Variants in KDM4C observed in about 807,000 individuals in gnomAD.
KDM4C encodes the protein lysine-specific demethylase 4C.
In KDM4C, 81 loss-of-function variants were observed where a neutral mutation model predicts 129.3. The observed-to-expected ratio is 0.63, with a 90% CI of 0.52 to 0.75. KDM4C has a LOEUF of 0.75. Among genes scored for constraint, KDM4C ranks in the 30% least tolerant of loss-of-function variants. The pLI is 0.00. For missense variants in KDM4C, 1,457 were observed against 1,304.0 expected, an observed-to-expected ratio of 1.12 and a Z score of -1.81; for synonymous variants, 573 against 456.1, an observed-to-expected ratio of 1.26 and a Z score of -3.26.
At chr9:6,773,920 T>G (rs1202197824) in intron 1 of KDM4C, among the ~76,000 whole-genome samples, 1 of 151,928 alleles carries the variant, frequency 6.6e-6, no homozygotes, top group Non-Finnish European at 1.5e-5. Context: ...TTTTATTTAT[T>G]TTTATTATTT....
chr9:6,927,510 A>G lies in KDM4C; in HGVS notation c.921+34278A>G, dbSNP rs577594877. On this transcript the variant is annotated intron_variant, in intron 8 of 21. Coordinates refer to ENST00000381309, the MANE Select transcript of KDM4C (RefSeq NM_015061.6). ...CTTCTGATCATGTTGACCTGTGGTG[A>G]TAATGGAATTGATAATAAGTGATGT... 1.7e-3 allele frequency among the ~76,000 whole-genome samples: 261 copies of G among 152,260 alleles called. 4 individuals carry two copies. Among genetic ancestry groups the G allele is most frequent in the African/African-American group, 5.4e-3 (226 of 41,562 alleles).
intron 8 of KDM4C, among the ~76,000 whole-genome samples, chr9:6,936,638 C>G (rs1254093913): frequency 1.3e-5 from 2 of 152,174 alleles, no homozygotes; most frequent in African/African-American, 4.8e-5. Context: ...GAGAATGAGC[C>G]TTCCCATGGC....
intron 8 of KDM4C, among the ~76,000 whole-genome samples, chr9:6,904,060 A>G (rs956866561): frequency 6.6e-6 from 1 of 152,092 alleles, no homozygotes; most frequent in Non-Finnish European, 1.5e-5. Context: ...GCTGACATGG[A>G]GAAACCTCAT....
chr9:6,746,862 C>T (rs1016423776), intron 1 of KDM4C, among the ~76,000 whole-genome samples: 4 of 150,396 alleles, frequency 2.7e-5, no homozygotes, highest in African/African-American at 7.3e-5. Context: ...AAAAATTAGC[C>T]GGGCGTGGTG....
rs567626578 is a variant in KDM4C, at chr9:7,128,134, G to C, written c.2679G>C (p.Arg893=). The C allele has an allele frequency of 1.9e-6, 3 of 1,613,044 alleles. No individual in the cohort carries two copies. The South Asian group carries it at 3.3e-5, about 18-fold the overall frequency. ...QTVITKHRNT[R]YYSCRVMAVT... The stretch of plus-strand genomic sequence containing the variant: ...TCATCACGAAGCATCGGAACACCCG[G>C]TATTACAGTTGCAGAGTGATGGCTG... Residue 893 remains arginine (R), a synonymous_variant, in exon 19 of 22, where the codon CGG becomes CGC. Coordinates refer to ENST00000381309, the MANE Select transcript of KDM4C (RefSeq NM_015061.6).
chr9:7,133,001 G>C (rs1303667748), intron 19 of KDM4C, among the ~76,000 whole-genome samples: 1 of 152,204 alleles, frequency 6.6e-6, no homozygotes, highest in Non-Finnish European at 1.5e-5. Flanking sequence ...TCAAGATTCT[G>C]GGGGTGAGTA....
chr9:6,852,194 T>C (rs1028909198), intron 5 of KDM4C, among the ~76,000 whole-genome samples: 1 of 152,216 alleles, frequency 6.6e-6, no homozygotes, highest in Non-Finnish European at 1.5e-5. Flanking sequence ...TTGTCATTAT[T>C]AAAATTCATT....
At chr9:6,884,553 T>C (rs888952770) in intron 6 of KDM4C, among the ~76,000 whole-genome samples, 4 of 152,248 alleles carry the variant, frequency 2.6e-5, no homozygotes, top group Non-Finnish European at 5.9e-5. Context: ...CAAAGCATAC[T>C]TGGGCAAATT....
intron 3 of KDM4C, 68 bp downstream of exon 3, chr9:6,805,842 TAGA>T (rs1829872084): frequency 7.2e-7 from 1 of 1,388,444 alleles, no homozygotes; most frequent in African/African-American, 1.4e-5. Context: ...AGAAACAAAG[TAGA>T]CAGAGGAGCT....
In KDM4C at chr9:7,006,827, G is replaced by A. The variant is rs188103992; in HGVS notation, c.1787-4871G>A. Among the ~76,000 whole-genome samples, 26 of 152,266 alleles carry A rather than the reference G, an allele frequency of 1.7e-4. 1 individual carries two copies. The highest frequency in any genetic ancestry group is 7.8e-4 in the Admixed American group (12 of 15,292). ...GTGATGATTGGTTTCCTGGGTCTAA[G>A]TGAGAATGAATACTTTTAATACTAC... On this transcript the variant is annotated intron_variant, in intron 12 of 21. Coordinates refer to ENST00000381309, the MANE Select transcript of KDM4C (RefSeq NM_015061.6).
intron 8 of KDM4C, among the ~76,000 whole-genome samples, chr9:6,911,620 G>C (rs547883250): frequency 1.0e-3 from 153 of 152,304 alleles, no homozygotes; most frequent in African/African-American, 3.6e-3. Context: ...GTTAGCACTT[G>C]TATAAAATGT....
intron 15 of KDM4C, among the ~76,000 whole-genome samples, chr9:7,045,844 G>T (rs1829313806): frequency 6.6e-6 from 1 of 151,966 alleles, no homozygotes; most frequent in African/African-American, 2.4e-5. Flanking sequence ...GTTTTCCTCA[G>T]AAAAGTAAAA....
At chr9:6,854,490 A>T (rs1039479332) in intron 5 of KDM4C, among the ~76,000 whole-genome samples, 1 of 138,992 alleles carries the variant, frequency 7.2e-6, no homozygotes, top group African/African-American at 2.7e-5. Flanking sequence ...GCGCCATTGC[A>T]CTCCAGCCTG....
intron 17 of KDM4C, among the ~76,000 whole-genome samples, chr9:7,096,519 C>T (rs1008558330): frequency 3.3e-5 from 5 of 152,130 alleles, no homozygotes; most frequent in African/African-American, 1.2e-4. Context: ...TATTCCTGTG[C>T]CAAGCTAGAA....
intron 18 of KDM4C, among the ~76,000 whole-genome samples, chr9:7,107,593 A>G (rs1459504378): frequency 6.6e-6 from 1 of 152,238 alleles, no homozygotes; most frequent in Non-Finnish European, 1.5e-5. Context: ...TGCAATGAAC[A>G]TGGCCTCTTT....
chr9:6,958,400 C>G (rs1178078410), intron 8 of KDM4C, among the ~76,000 whole-genome samples: 1 of 152,026 alleles, frequency 6.6e-6, no homozygotes, highest in Non-Finnish European at 1.5e-5. Context: ...GCCTGACCAA[C>G]ATGGTGAAAC....
At chr9:7,121,016 T>G (rs1839429444) in intron 18 of KDM4C, among the ~76,000 whole-genome samples, 1 of 152,164 alleles carries the variant, frequency 6.6e-6, no homozygotes, top group African/African-American at 2.4e-5. Flanking sequence ...CATAAAGAAG[T>G]ACTAAATAAA....
Position 7,170,071 on chromosome 9 carries a change from G to A in KDM4C, c.2994+181G>A, listed in dbSNP as rs546287847. On this transcript the variant is annotated intron_variant, in intron 21 of 21. Coordinates refer to ENST00000381309, the MANE Select transcript of KDM4C (RefSeq NM_015061.6). ...AACTTCAAATTCAACCAAAATCGGG[G>A]AAATTAATGCATGTGCTTTACTTTT... 111 of 1,501,548 alleles carry A rather than the reference G, an allele frequency of 7.4e-5. No homozygotes were observed. The African/African-American group carries it at 1.4e-3, about 19-fold the overall frequency. The allele number at this position is 1,501,548 out of a possible 1,614,324, so 93.0% of individuals were successfully genotyped here. A position where few individuals can be genotyped will look rare whatever the true frequency, so the allele number is the denominator to read the frequency against.
intron 1 of KDM4C, among the ~76,000 whole-genome samples, chr9:6,741,264 G>C (rs936439313): frequency 1.3e-5 from 2 of 151,828 alleles, no homozygotes; most frequent in African/African-American, 4.8e-5. Flanking sequence ...AGGTGGTGGT[G>C]CGTGCGTGTA....
Sources: allele counts gnomAD v4.1 joint callset (sites outside exome capture counted in the v4.1 genomes callset), GRCh38; gene constraint gnomAD v4.1.1; transcripts MANE v1.5; gene names NCBI Gene and HGNC (gene_info 2026-07-23, HGNC 2026-07-21).